The following UNC13A variants were observed in gnomAD, a reference collection of about 807,000 sequenced individuals.
UNC13A encodes the protein protein unc-13 homolog A.
Under a neutral mutation model 219.7 loss-of-function variants are expected in UNC13A, and 61 were observed. That is an observed-to-expected ratio of 0.28 (90% CI 0.23 to 0.34). The LOEUF is 0.34. Ranked by LOEUF, UNC13A falls within the 10% of genes least tolerant of loss-of-function variation. The probability of loss-of-function intolerance (pLI) is 1.00; values close to 1 mark genes in which losing one functional copy is unlikely to be tolerated. For synonymous variants in UNC13A, 920 were observed against 884.6 expected (o/e 1.04, Z -0.71); for missense variants, 1,476 against 2,270.3 (o/e 0.65, Z 7.11).
chr19:17,670,327 G>A (rs942069192), intron 4 of UNC13A, among the ~76,000 whole-genome samples: 1 of 151,714 alleles, frequency 6.6e-6, no homozygotes. Flanking sequence ...TGCAACCTCC[G>A]CTTCCCAGGC....
At chr19:17,651,941 C>G (rs2079356530) in intron 12 of UNC13A, among the ~76,000 whole-genome samples, 7 of 152,096 alleles carry the variant, frequency 4.6e-5, no homozygotes, top group Admixed American at 4.6e-4. Flanking sequence ...TAGACATGAC[C>G]ACATTCTCCA....
chr19:17,673,659 C>T (rs1273112528), intron 3 of UNC13A, among the ~76,000 whole-genome samples: 2 of 151,830 alleles, frequency 1.3e-5, no homozygotes, highest in Non-Finnish European at 2.9e-5. Flanking sequence ...CACCACTACA[C>T]TCCAGCCTGG....
chr19:17,618,325 A>T, intron 40 of UNC13A, 96 bp downstream of exon 40: 1 of 1,322,882 alleles, frequency 7.6e-7, no homozygotes. Context: ...AAATTGAACA[A>T]ATTAATGTGG....
At position 17,626,401 on chromosome 19, in the gene UNC13A, C is replaced by T. The variant is rs1008974164; in HGVS notation, c.4073+232G>A. 5.7e-5 allele frequency: 28 copies of T among 491,944 alleles called. 1 individual carries two copies. The highest frequency in any genetic ancestry group is 8.3e-5 in the Non-Finnish European group (23 of 277,932). The allele number at this position is 491,944 out of a possible 1,614,324, so 30.5% of individuals were successfully genotyped here. A position where few individuals can be genotyped will look rare whatever the true frequency, so the allele number is the denominator to read the frequency against. ...CCACCCACCTACCCATCCCTCATGT[C>T]ACCTATTCATCCACCATTCATTCAT... On this transcript the variant is annotated intron_variant, in intron 34 of 43. Transcript: ENST00000519716.
At chr19:17,608,166 C>T (rs1411764736) in intron 43 of UNC13A, among the ~76,000 whole-genome samples, 1 of 148,212 alleles carries the variant, frequency 6.7e-6, no homozygotes, top group Non-Finnish European at 1.5e-5. Context: ...CCTGTCTCAG[C>T]CTCCCGCGTA....
At chr19:17,645,293 G>A (rs150520672) in intron 19 of UNC13A, among the ~76,000 whole-genome samples, 1 of 151,780 alleles carries the variant, frequency 6.6e-6, no homozygotes, top group African/African-American at 2.4e-5. Context: ...ACAGGCGTGA[G>A]CCACCATACC....
At chr19:17,642,809 G>C in intron 20 of UNC13A, 36 bp downstream of exon 20, 2 of 1,539,932 alleles carry the variant, frequency 1.3e-6, no homozygotes, top group Non-Finnish European at 1.8e-6. Context: ...ATGGTGAGTG[G>C]AAGTGGCATG....
rs115141049 is a variant in UNC13A, at chr19:17,664,658, T to C, written c.524-1091A>G. 2.8e-3 allele frequency among the ~76,000 whole-genome samples: 426 copies of C among 152,208 alleles called. 2 individuals carry two copies. The highest frequency in any genetic ancestry group is 9.7e-3 in the African/African-American group (402 of 41,518). On this transcript the variant is annotated intron_variant, in intron 7 of 43. Transcript: ENST00000519716. ...CTGGCCCCGCCCCCATTGCAACCTC[T>C]CAATGACCCCATTCACCAAGCGGGG...
chr19:17,659,091 T>C, intron 8 of UNC13A, among the ~76,000 whole-genome samples: 1 of 152,126 alleles, frequency 6.6e-6, no homozygotes, highest in African/African-American at 2.4e-5. Flanking sequence ...AAGATTTCAA[T>C]AATGCAATCT....
At position 17,603,836 on chromosome 19, in the gene UNC13A, G is replaced by C. The variant is rs186741843; in HGVS notation, c.*2218C>G. The C allele has an allele frequency of 6.6e-6, 1 of 151,494 alleles. No individual in the cohort carries two copies. Among genetic ancestry groups the C allele is most frequent in the African/African-American group, 2.4e-5 (1 of 41,096 alleles). 9.4% of individuals were successfully genotyped at this position (151,494 alleles called of 1,614,324 possible). On this transcript the variant is annotated 3_prime_UTR_variant, in exon 44 of 44. Transcript: ENST00000519716. ...TTGGTGGGGTAGAGGGGAGGGAATG[G>C]AGTATTGTTCTGTTGCCCAGGCTGG...
chr19:17,655,424 T>A, intron 10 of UNC13A, 42 bp from the exon 11 acceptor site: 2 of 1,477,426 alleles, frequency 1.4e-6, no homozygotes, highest in South Asian at 2.4e-5. Context: ...TGGCTCTCCG[T>A]GACCCCTGAA....
At chr19:17,640,432 G>A in intron 22 of UNC13A, 79 bp downstream of exon 22, 1 of 1,472,054 alleles carries the variant, frequency 6.8e-7, no homozygotes, top group Non-Finnish European at 9.0e-7. Flanking sequence ...CTAGACTGGG[G>A]ACCCAGAAGT....
intron 37 of UNC13A, among the ~76,000 whole-genome samples, chr19:17,621,217 C>T (rs753944566): frequency 1.1e-4 from 17 of 152,172 alleles, no homozygotes; most frequent in Non-Finnish European, 2.2e-4. Context: ...CAAAAACCCA[C>T]ACACCCTTCT....
rs375440545 is a variant in UNC13A at position 17,669,088 on chromosome 19, G to C, written c.394+465C>G. On this transcript the variant is annotated intron_variant, in intron 5 of 43. Coordinates refer to ENST00000519716, the MANE Select transcript of UNC13A (RefSeq NM_001080421.3). Reference sequence around the variant, plus strand: ...TGGGATTACAGACATGAGAAGCTATGCCTGGCCAGCCATGGGTTCTTAGAA... The same window carrying C: ...TGGGATTACAGACATGAGAAGCTATCCCTGGCCAGCCATGGGTTCTTAGAA... Among the ~76,000 whole-genome samples the C allele has an allele frequency of 5.9e-5, 9 of 152,216 alleles. No homozygotes were observed. The South Asian group carries it at 1.7e-3, about 28-fold the overall frequency.
chr19:17,684,565 G>C (rs1421195207), intron 1 of UNC13A, among the ~76,000 whole-genome samples: 1 of 152,250 alleles, frequency 6.6e-6, no homozygotes, highest in Non-Finnish European at 1.5e-5. Flanking sequence ...GGATTACGAT[G>C]TTGGGAAGCA....
Position 17,611,925 on chromosome 19 carries a change from G to T in UNC13A, c.4559-70C>A, listed in dbSNP as rs187450829. ...CCCACCCACCAGGAGGGACCTTGAC[G>T]GCCTCCCACCCACCTGTGCTGGCGG... is the stretch of plus-strand genomic sequence containing the variant. On this transcript the variant is annotated intron_variant, in intron 41 of 43. Transcript: ENST00000519716. 2.9e-6 allele frequency: 4 copies of T among 1,380,020 alleles called. No homozygotes were observed. The African/African-American group carries it at 5.7e-5, about 20-fold the overall frequency. 85.5% of individuals were successfully genotyped at this position (1,380,020 alleles called of 1,614,324 possible). A position where few individuals can be genotyped will look rare whatever the true frequency, so the allele number is the denominator to read the frequency against.
intron 20 of UNC13A, 36 bp from the exon 21 acceptor site, chr19:17,641,592 C>A: frequency 6.2e-7 from 1 of 1,602,624 alleles, no homozygotes. Context: ...ATGGAGAGTG[C>A]AAGGGGTCGC....
At chr19:17,665,732 G>A (rs1052333493) in intron 7 of UNC13A, among the ~76,000 whole-genome samples, 5 of 152,210 alleles carry the variant, frequency 3.3e-5, no homozygotes, top group Non-Finnish European at 5.9e-5. Flanking sequence ...TGCACCATCT[G>A]ACGTGGGCTG....
rs1259434585 is a variant in UNC13A, at chr19:17,647,308, C to A, written c.2001G>T (p.Val667=). The A allele has an allele frequency of 6.2e-6, 10 of 1,606,620 alleles. No individual in the cohort carries two copies. Among genetic ancestry groups the A allele is most frequent in the Non-Finnish European group, 7.6e-6 (9 of 1,176,842 alleles). Residue 667 remains valine, a synonymous_variant, in exon 17 of 44, where the codon GTG becomes GTT. Transcript: ENST00000519716. ...TQQMKAVKQS[V]LDGTSKWSAK... ...CGGACCACTTGGACGTGCCGTCCAG[C>A]ACGCTCTGCTTGACCGCCTTCATCT...
Sources: allele counts gnomAD v4.1 joint callset (sites outside exome capture counted in the v4.1 genomes callset), GRCh38; gene constraint gnomAD v4.1.1; transcripts MANE v1.5; gene names NCBI Gene and HGNC (gene_info 2026-07-23, HGNC 2026-07-21).